Variants in GPC6 observed in about 807,000 individuals in gnomAD.
The protein encoded by GPC6 is glypican 6.
In GPC6, 14 loss-of-function variants were observed where a neutral mutation model predicts 55.2. That is an observed-to-expected ratio of 0.25 (90% CI 0.17 to 0.40). GPC6 has a LOEUF of 0.40. Ranked by LOEUF, GPC6 falls within the 10% of genes least tolerant of loss-of-function variation. GPC6 has a pLI of 1.00. For synonymous variants in GPC6, 278 were observed against 259.6 expected (o/e 1.07, Z -0.68); for missense variants, 641 against 708.5 (o/e 0.90, Z 1.08).
chr13:93,674,823 A>G (rs1246630964), intron 2 of GPC6, among the ~76,000 whole-genome samples: 1 of 118,424 alleles, frequency 8.4e-6, no homozygotes, highest in Non-Finnish European at 1.7e-5. Context: ...TGGCAAAGTT[A>G]TGTCAATGTC....
At chr13:93,514,343 G>A (rs573555142) in intron 1 of GPC6, among the ~76,000 whole-genome samples, 1 of 152,066 alleles carries the variant, frequency 6.6e-6, no homozygotes, top group African/African-American at 2.4e-5. Flanking sequence ...CAGTTTTGCG[G>A]TCTATTTTAC....
At chr13:94,197,754 G>A (rs772743236) in intron 4 of GPC6, among the ~76,000 whole-genome samples, 1 of 151,988 alleles carries the variant, frequency 6.6e-6, no homozygotes. Flanking sequence ...CTGTATTTTG[G>A]CAACTTACTA....
chr13:94,340,840 A>C (rs1877997553), intron 6 of GPC6, among the ~76,000 whole-genome samples: 1 of 152,254 alleles, frequency 6.6e-6, no homozygotes, highest in Non-Finnish European at 1.5e-5. Context: ...GGAATATTTA[A>C]TACATTTCTG....
intron 3 of GPC6, among the ~76,000 whole-genome samples, chr13:93,945,969 A>G (rs1230098233): frequency 6.6e-6 from 1 of 152,110 alleles, no homozygotes; most frequent in Admixed American, 6.5e-5. Flanking sequence ...TTTCTTTTCT[A>G]CTCACAATAT....
chr13:94,013,402 G>A (rs973950886), intron 3 of GPC6, among the ~76,000 whole-genome samples: 4 of 152,136 alleles, frequency 2.6e-5, no homozygotes, highest in Non-Finnish European at 5.9e-5. Context: ...CCAGGCTGGA[G>A]TGCTATGGCG....
In GPC6 at chr13:93,642,823, G is replaced by A. The variant is rs140116535; in HGVS notation, c.319+97402G>A. Among the ~76,000 whole-genome samples, 573 of 152,112 alleles carry A rather than the reference G, an allele frequency of 3.8e-3. 4 individuals carry two copies. The highest frequency in any genetic ancestry group is 0.013 in the African/African-American group (539 of 41,522). On this transcript the variant is annotated intron_variant, in intron 2 of 8. Coordinates refer to ENST00000377047, the MANE Select transcript of GPC6 (RefSeq NM_005708.5). ...GAAAGATTGTTTAACAGTATTCTAC[G>A]GCTTCTCTAACAGTTTCATCACTTG...
At chr13:93,360,920 G>C (rs1881021598) in intron 1 of GPC6, among the ~76,000 whole-genome samples, 1 of 152,178 alleles carries the variant, frequency 6.6e-6, no homozygotes, top group African/African-American at 2.4e-5. Flanking sequence ...TGTGTGGCCA[G>C]TGCTTGAGTT....
At chr13:94,174,928 A>G (rs560564750) in intron 4 of GPC6, among the ~76,000 whole-genome samples, 62 of 152,198 alleles carry the variant, frequency 4.1e-4, no homozygotes, top group Middle Eastern at 3.4e-3. Context: ...ATGTATGAGT[A>G]CAGGTTCCTG....
In GPC6 at chr13:94,161,512, G is replaced by A. The variant is rs1888162855; in HGVS notation, c.878-124837G>A. On this transcript the variant is annotated intron_variant, in intron 4 of 8. Transcript: ENST00000377047. ...TTGACATATATTTTTAACAAGACTT[G>A]GTATTCTCAGTAATTGCCATTCACT... Among the ~76,000 whole-genome samples, 4 of 152,090 alleles carry A rather than the reference G, an allele frequency of 2.6e-5. No homozygotes were observed. In the South Asian group the frequency reaches 8.3e-4, roughly 32 times the overall value.
At chr13:93,401,410 A>G (rs1450687118) in intron 1 of GPC6, among the ~76,000 whole-genome samples, 1 of 152,108 alleles carries the variant, frequency 6.6e-6, no homozygotes, top group Non-Finnish European at 1.5e-5. Flanking sequence ...TATCCAAAGT[A>G]TAATAGAAAA....
chr13:94,216,256 T>G (rs1231001169), intron 4 of GPC6, among the ~76,000 whole-genome samples: 1 of 152,182 alleles, frequency 6.6e-6, no homozygotes, highest in Non-Finnish European at 1.5e-5. Flanking sequence ...ACCTCCACTG[T>G]GACATGGTTA....
rs150310505 is a variant in GPC6 at position 93,296,770 on chromosome 13, T to G, written c.160+69154T>G. ...AATCAAGTTCCCTTTCTCTTGGGAC[T>G]CTCCATGCAGACATCTCATTCTGAG... On this transcript the variant is annotated intron_variant, in intron 1 of 8. Coordinates refer to ENST00000377047, the MANE Select transcript of GPC6 (RefSeq NM_005708.5). Among the ~76,000 whole-genome samples, 253 of 152,276 alleles carry G rather than the reference T, an allele frequency of 1.7e-3. 1 individual carries two copies. Among genetic ancestry groups the G allele is most frequent in the African/African-American group, 5.3e-3 (221 of 41,558 alleles).
chr13:93,349,511 T>G (rs757200542), intron 1 of GPC6, among the ~76,000 whole-genome samples: 28 of 152,162 alleles, frequency 1.8e-4, no homozygotes, highest in Non-Finnish European at 3.1e-4. Context: ...AATCTCCGTG[T>G]GATTAATTTG....
intron 2 of GPC6, among the ~76,000 whole-genome samples, chr13:93,744,666 G>C (rs896884554): frequency 6.6e-6 from 1 of 150,958 alleles, no homozygotes; most frequent in Non-Finnish European, 1.5e-5. Context: ...TCGGCCAGGC[G>C]TGGTGGCTCA....
At chr13:94,191,697 C>T (rs1216456389) in intron 4 of GPC6, among the ~76,000 whole-genome samples, 1 of 151,876 alleles carries the variant, frequency 6.6e-6, no homozygotes, top group African/African-American at 2.4e-5. Context: ...AAATCCAATC[C>T]TCCCAGCCCC....
At chr13:94,211,084 T>C (rs1011015318) in intron 4 of GPC6, among the ~76,000 whole-genome samples, 13 of 152,200 alleles carry the variant, frequency 8.5e-5, no homozygotes, top group African/African-American at 3.1e-4. Flanking sequence ...CCACTGATGT[T>C]CAACTTTCCT....
intron 2 of GPC6, among the ~76,000 whole-genome samples, chr13:93,599,620 G>A (rs936255741): frequency 6.6e-6 from 1 of 152,130 alleles, no homozygotes; most frequent in East Asian, 1.9e-4. Flanking sequence ...GCCTTAGGAG[G>A]GGGGAAGCAG....
chr13:94,003,674 A>G (rs1594658309), intron 3 of GPC6, among the ~76,000 whole-genome samples: 1 of 152,294 alleles, frequency 6.6e-6, no homozygotes, highest in African/African-American at 2.4e-5. Context: ...TGATATTACA[A>G]ACAGAATGGA....
chr13:93,587,348 AC>A (rs1378790027), intron 2 of GPC6, among the ~76,000 whole-genome samples: 1 of 152,190 alleles, frequency 6.6e-6, no homozygotes, highest in African/African-American at 2.4e-5. Flanking sequence ...TAAGCATGTT[AC>A]CCGCTATTAC....
Sources: gnomAD v4.1 joint callset for allele counts (sites outside exome capture counted in the v4.1 genomes callset) on GRCh38, gnomAD v4.1.1 for gene constraint, MANE v1.5 for transcripts, NCBI Gene and HGNC (gene_info 2026-07-23, HGNC 2026-07-21) for gene names.